The following ASAP2 variants were observed in gnomAD, a reference collection of about 807,000 sequenced individuals.
ASAP2 encodes the protein arf-GAP with SH3 domain, ANK repeat and PH domain-containing protein 2.
A neutral mutation model predicts 131.4 loss-of-function variants in ASAP2; 45 were observed. That is an observed-to-expected ratio of 0.34 (90% CI 0.27 to 0.44). The LOEUF is 0.44. Among genes scored for constraint, ASAP2 ranks in the 20% least tolerant of loss-of-function variants. The probability of loss-of-function intolerance (pLI) is 1.00; values close to 1 mark genes in which losing one functional copy is unlikely to be tolerated. For synonymous variants in ASAP2, 510 were observed against 503.0 expected, an observed-to-expected ratio of 1.01 and a Z score of -0.19; for missense variants, 1,011 against 1,297.0, an observed-to-expected ratio of 0.78 and a Z score of 3.39.
At chr2:9,398,851 A>C (rs946304777) in intron 24 of ASAP2, 4 of 151,886 alleles carry the variant, frequency 2.6e-5, no homozygotes, top group African/African-American at 9.7e-5. Flanking sequence ...AAAGTTTACT[A>C]TCTGCCTCTT....
intron 3 of ASAP2, 80 bp from the exon 4 acceptor site, chr2:9,318,444 T>A: frequency 9.7e-7 from 1 of 1,032,402 alleles, no homozygotes; most frequent in Non-Finnish European, 1.5e-6. Context: ...TATCAAATGT[T>A]CTCTCTAATG....
chr2:9,401,528 C>T (rs1676670445), intron 27 of ASAP2, 132 bp downstream of exon 27: 2 of 1,192,650 alleles, frequency 1.7e-6, no homozygotes, highest in African/African-American at 1.5e-5. Context: ...GTGCCTCCGC[C>T]CCTTAGCATC....
chr2:9,400,183 T>C, intron 25 of ASAP2, 111 bp downstream of exon 25: 1 of 855,160 alleles, frequency 1.2e-6, no homozygotes, highest in Non-Finnish European at 1.6e-6. Flanking sequence ...CTGTCTGCCA[T>C]TCCACAGCCC....
rs541649070 is a variant in ASAP2 at position 9,232,505 on chromosome 2, G to A, written c.126+25275G>A. 2.6e-5 allele frequency among the ~76,000 whole-genome samples: 4 copies of A among 152,316 alleles called. No individual in the cohort carries two copies. The highest frequency in any genetic ancestry group is 2.0e-4 in the Admixed American group (3 of 15,308). Reference sequence around the variant, plus strand: ...ATGATCTTGGAAGTGCAGAGAACTTGTCTGATTTGTTTAACCACCTCACTT... The same window carrying A: ...ATGATCTTGGAAGTGCAGAGAACTTATCTGATTTGTTTAACCACCTCACTT... On this transcript the variant is annotated intron_variant, in intron 1 of 27. Transcript: ENST00000281419. This position sits in a 1 kb window ranked among gnomAD's most constrained non-coding sequence, Gnocchi z 4.1.
At position 9,393,510 on chromosome 2, in the gene ASAP2, C is replaced by T. The variant is rs755007638; in HGVS notation, c.2547C>T (p.Pro849=). Residue 849 remains proline (P), a synonymous_variant, in exon 24 of 28, where the codon CCC becomes CCT. Transcript: ENST00000281419. ...CCCTGACCCCCACGCCGCCCCCACC[C>T]GTTGCCAAGACGCCCAGCGTAATGG... The part of the protein sequence containing the change: ...TNPLTPTPPP[P]VAKTPSVMEA... 1.9e-5 allele frequency: 30 copies of T among 1,606,560 alleles called. No individual in the cohort carries two copies. In the African/African-American group the frequency reaches 2.8e-4, roughly 15 times the overall value.
intron 3 of ASAP2, among the ~76,000 whole-genome samples, chr2:9,308,588 T>G (rs952372091): frequency 6.6e-6 from 1 of 152,174 alleles, no homozygotes; most frequent in African/African-American, 2.4e-5. Flanking sequence ...GCATCTAGGA[T>G]GGCAGCATGT....
At chr2:9,360,041 A>C (rs1289399063) in intron 15 of ASAP2, among the ~76,000 whole-genome samples, 1 of 152,222 alleles carries the variant, frequency 6.6e-6, no homozygotes, top group Non-Finnish European at 1.5e-5. Context: ...ACAGGTGTAC[A>C]TGTGGTATCT....
chr2:9,374,583 G>A (rs935505557), intron 16 of ASAP2, among the ~76,000 whole-genome samples, 172 bp from the exon 17 acceptor site: 1 of 152,222 alleles, frequency 6.6e-6, no homozygotes, highest in African/African-American at 2.4e-5. Context: ...TCGCAGTGAA[G>A]ACCAGTGCAG....
chr2:9,342,765 C>T (rs59319754), intron 9 of ASAP2, among the ~76,000 whole-genome samples: 6,897 of 152,230 alleles, frequency 0.045, 414 homozygotes, highest in African/African-American at 0.13. Flanking sequence ...GACTCCAGCC[C>T]GTCTTGTCCA....
At chr2:9,329,965 A>G (rs1226997580) in intron 7 of ASAP2, among the ~76,000 whole-genome samples, 2 of 152,058 alleles carry the variant, frequency 1.3e-5, no homozygotes, top group Non-Finnish European at 2.9e-5. Flanking sequence ...CTCCATGATG[A>G]CATCTTCCTT....
chr2:9,265,039 G>A (rs1027288682), intron 1 of ASAP2, among the ~76,000 whole-genome samples: 4 of 152,158 alleles, frequency 2.6e-5, no homozygotes, highest in Non-Finnish European at 5.9e-5. Context: ...AGGACGCTGA[G>A]GCAAGAGGAT....
chr2:9,251,050 G>C (rs1005698615), intron 1 of ASAP2, among the ~76,000 whole-genome samples: 5 of 152,202 alleles, frequency 3.3e-5, no homozygotes, highest in African/African-American at 1.2e-4. Flanking sequence ...AGTTTGAATT[G>C]GAGACAGATT....
At chr2:9,394,400 G>A (rs544319817) in intron 24 of ASAP2, among the ~76,000 whole-genome samples, 3 of 152,148 alleles carry the variant, frequency 2.0e-5, no homozygotes, top group South Asian at 4.1e-4. Context: ...TCCTGACCTC[G>A]TGATCCACCT....
At chr2:9,219,700 T>A (rs1358038680) in intron 1 of ASAP2, among the ~76,000 whole-genome samples, 1 of 152,196 alleles carries the variant, frequency 6.6e-6, no homozygotes, top group Non-Finnish European at 1.5e-5. Context: ...TGAGATAGAA[T>A]TCACATACCA....
chr2:9,276,109 G>GC (rs1160448967), intron 1 of ASAP2, among the ~76,000 whole-genome samples: 6 of 152,214 alleles, frequency 3.9e-5, no homozygotes, highest in African/African-American at 1.4e-4. Context: ...TTCCAAGAAG[G>GC]CACAGGCATT....
intron 1 of ASAP2, among the ~76,000 whole-genome samples, chr2:9,235,004 G>A (rs938575076): frequency 6.6e-6 from 1 of 152,122 alleles, no homozygotes; most frequent in Non-Finnish European, 1.5e-5. Flanking sequence ...GATGACTGGT[G>A]CAAGGAGTAG....
rs113978482 is a variant in ASAP2 at position 9,356,158 on chromosome 2, G to A, written c.1161-21G>A. On this transcript the variant is annotated intron_variant, in intron 13 of 27. Coordinates refer to ENST00000281419, the MANE Select transcript of ASAP2 (RefSeq NM_003887.3). Reference sequence around the variant, plus strand: ...GCCGTTGTTTGTGGAATTTAACACAGCGTTGCTCTTGTTTTTCTAGATGGA... The same window carrying A: ...GCCGTTGTTTGTGGAATTTAACACAACGTTGCTCTTGTTTTTCTAGATGGA... The A allele has an allele frequency of 1.2e-3, 1,980 of 1,614,128 alleles. 20 individuals carry two copies. In the African/African-American group the frequency reaches 0.023, roughly 19 times the overall value.
At chr2:9,345,310 T>C (rs374314184) in intron 11 of ASAP2, among the ~76,000 whole-genome samples, 4 of 152,296 alleles carry the variant, frequency 2.6e-5, no homozygotes, top group African/African-American at 9.6e-5. Flanking sequence ...TAACATATGG[T>C]GCCCAACTTT....
At chr2:9,388,835 G>A (rs1480535996) in intron 22 of ASAP2, among the ~76,000 whole-genome samples, 1 of 152,146 alleles carries the variant, frequency 6.6e-6, no homozygotes, top group Non-Finnish European at 1.5e-5. Flanking sequence ...CCGGGGCTGG[G>A]CCAAAAGACA....
Sources: allele counts gnomAD v4.1 joint callset (sites outside exome capture counted in the v4.1 genomes callset), GRCh38; gene constraint gnomAD v4.1.1; non-coding constraint Gnocchi (gnomAD v3.1); transcripts MANE v1.5; gene names NCBI Gene and HGNC (gene_info 2026-07-23, HGNC 2026-07-21).